GSDME: variants seen among roughly 807,000 people sequenced by gnomAD.
GSDME encodes gasdermin E.
GSDME carries 44 observed loss-of-function variants against 47.5 expected under a neutral mutation model. That is an observed-to-expected ratio of 0.93 (90% CI 0.73 to 1.19). GSDME has a LOEUF of 1.19. GSDME is among the 50% of genes most tolerant of loss of function. The pLI is 0.00. For synonymous variants in GSDME, 258 were observed against 252.8 expected (o/e 1.02, Z -0.20); for missense variants, 663 against 604.2 (o/e 1.10, Z -1.02).
the GSDME span, among the ~76,000 whole-genome samples, chr7:24,791,738 C>A: frequency 6.6e-6 from 1 of 152,102 alleles, no homozygotes; most frequent in Non-Finnish European, 1.5e-5. The surrounding 1 kb of genome is among the most constrained non-coding windows in gnomAD (Gnocchi z 4.8). Context: ...GCAGAGTGTC[C>A]AGTAAAGGTC....
Position 24,749,622 on chromosome 7 carries a change from G to A in GSDME, c.153C>T (p.Tyr51=). 3.1e-6 allele frequency: 5 copies of A among 1,614,048 alleles called. No homozygotes were observed. Among genetic ancestry groups the A allele is most frequent in the Non-Finnish European group, 3.4e-6 (4 of 1,180,024 alleles). ...KRFWCWQRPK[Y]QFLSLTLGDV... is the part of the protein sequence containing the mutation. ...CGCCAAGGGTGAGGGATAAAAACTG[G>A]TACTTGGGTCTCTGCCAGCACCAGA... Residue 51 remains tyrosine, a synonymous_variant, in exon 2 of 10, where the codon TAC becomes TAT. Transcript: ENST00000645220.
At chr7:24,715,771 G>A (rs1584064888) in intron 5 of GSDME, among the ~76,000 whole-genome samples, 1 of 152,112 alleles carries the variant, frequency 6.6e-6, no homozygotes, top group African/African-American at 2.4e-5. Flanking sequence ...CACAACACCT[G>A]GTATTCTCAG....
chr7:24,775,734 G>C, the GSDME span, among the ~76,000 whole-genome samples: 1 of 151,944 alleles, frequency 6.6e-6, no homozygotes, highest in Non-Finnish European at 1.5e-5. Context: ...AATTAGCTGG[G>C]CGTGGTGGCG....
rs1790030804 is a variant in GSDME, at chr7:24,728,128, T to A, written c.405-8910A>T. Among the ~76,000 whole-genome samples, 1 of 152,204 alleles carries A rather than the reference T, an allele frequency of 6.6e-6. No homozygotes were observed. The highest frequency in any genetic ancestry group is 1.5e-5 in the Non-Finnish European group (1 of 68,040). On this transcript the variant is annotated intron_variant, in intron 3 of 9. Coordinates refer to ENST00000645220, the MANE Select transcript of GSDME (RefSeq NM_001127453.2). The surrounding 1 kb of genome is among the most constrained non-coding windows in gnomAD (Gnocchi z 7.2). Reference sequence around the variant, plus strand: ...TTTCTTATCAGGAATCGGGGGCAATTCTGGCCAATGAGACCTGAGGAAAAT... The same window carrying A: ...TTTCTTATCAGGAATCGGGGGCAATACTGGCCAATGAGACCTGAGGAAAAT...
At chr7:24,711,900 TA>T (rs1789371608) in intron 5 of GSDME, among the ~76,000 whole-genome samples, 1 of 151,260 alleles carries the variant, frequency 6.6e-6, no homozygotes, top group African/African-American at 2.4e-5. Flanking sequence ...AAGGTGTAGA[TA>T]AAAATGTAAG....
At chr7:24,740,869 A>C (rs1039719335) in intron 3 of GSDME, among the ~76,000 whole-genome samples, 1 of 152,202 alleles carries the variant, frequency 6.6e-6, no homozygotes, top group Non-Finnish European at 1.5e-5. Context: ...AATATGATGA[A>C]GAATAAAAGT....
At chr7:24,765,123 A>G in the GSDME span, among the ~76,000 whole-genome samples, 6 of 152,272 alleles carry the variant, frequency 3.9e-5, no homozygotes, top group African/African-American at 1.4e-4. Flanking sequence ...TTGCTCACCA[A>G]AAAGCCTGGC....
At chr7:24,780,654 T>C in the GSDME span, among the ~76,000 whole-genome samples, 1 of 152,230 alleles carries the variant, frequency 6.6e-6, no homozygotes, top group East Asian at 1.9e-4. This position sits in a 1 kb window ranked among gnomAD's most constrained non-coding sequence, Gnocchi z 4.1. Flanking sequence ...AACTCCTCCC[T>C]TTGTTAAGTT....
At position 24,705,002 on chromosome 7, in the gene GSDME, T is replaced by G. The variant is rs1465190443; in HGVS notation, c.1183+1182A>C. 6.6e-6 allele frequency: 1 copy of G among 152,264 alleles called. No homozygotes were observed. The highest frequency in any genetic ancestry group is 2.4e-5 in the African/African-American group (1 of 41,438). The allele number at this position is 152,264 out of a possible 1,614,324, so 9.4% of individuals were successfully genotyped here. A position where few individuals can be genotyped will look rare whatever the true frequency, so the allele number is the denominator to read the frequency against. On this transcript the variant is annotated intron_variant, in intron 8 of 9. Coordinates refer to ENST00000645220, the MANE Select transcript of GSDME (RefSeq NM_001127453.2). The surrounding 1 kb of genome is among the most constrained non-coding windows in gnomAD (Gnocchi z 4.1). ...CACACCCAGCCAGTTGCAGAGAATT[T>G]GATGCTGTGTCTAGGCTCAAGTAGA... is the stretch of plus-strand genomic sequence containing the variant.
In GSDME at chr7:24,721,772, A is replaced by G. The variant is rs756201808; in HGVS notation, c.405-2554T>C. On this transcript the variant is annotated intron_variant, in intron 3 of 9. Coordinates refer to ENST00000645220, the MANE Select transcript of GSDME (RefSeq NM_001127453.2). This position sits in a 1 kb window ranked among gnomAD's most constrained non-coding sequence, Gnocchi z 4.1. ...ATCACTCCCTTCTTAAAAGCCTTCA[A>G]TGGCTATATCCCATGTCCAGTGCGT... Among the ~76,000 whole-genome samples the G allele has an allele frequency of 7.2e-5, 11 of 152,136 alleles. No homozygotes were observed. Among genetic ancestry groups the G allele is most frequent in the Non-Finnish European group, 1.6e-4 (11 of 68,000 alleles).
chr7:24,767,359 A>C, the GSDME span, among the ~76,000 whole-genome samples: 17,006 of 152,200 alleles, frequency 0.11, 1,204 homozygotes, highest in East Asian at 0.2. This position sits in a 1 kb window ranked among gnomAD's most constrained non-coding sequence, Gnocchi z 5.3. Flanking sequence ...TATTTGTCTC[A>C]TATAAGGGTA....
chr7:24,717,333 G>A lies in GSDME; in HGVS notation c.618C>T (p.Asn206=), dbSNP rs142033677. The stretch of plus-strand genomic sequence containing the variant: ...TGGCAGCTGGGATCTCCAGCACCAC[G>A]TTGGAGTCCTTGGTGACATTCCCAT... ...TEDGNVTKDS[N]VVLEIPAATT... Residue 206 remains asparagine, a synonymous_variant, in exon 5 of 10, where the codon AAC becomes AAT. Transcript: ENST00000645220. The A allele has an allele frequency of 9.9e-6, 16 of 1,613,960 alleles. No homozygotes were observed. Among genetic ancestry groups the A allele is most frequent in the African/African-American group, 2.7e-5 (2 of 74,900 alleles).
Position 24,728,746 on chromosome 7 carries a change from G to A in GSDME, c.405-9528C>T, listed in dbSNP as rs1562703648. Among the ~76,000 whole-genome samples the A allele has an allele frequency of 6.6e-6, 1 of 152,130 alleles. No homozygotes were observed. Among genetic ancestry groups the A allele is most frequent in the South Asian group, 2.1e-4 (1 of 4,818 alleles). ...TACTAGCAGTCCCCATTTCAACCAC[G>A]TTTCATAACAGAAACTTCCCACACA... On this transcript the variant is annotated intron_variant, in intron 3 of 9. Coordinates refer to ENST00000645220, the MANE Select transcript of GSDME (RefSeq NM_001127453.2). This position sits in a 1 kb window ranked among gnomAD's most constrained non-coding sequence, Gnocchi z 7.2.
At chr7:24,740,586 C>A (rs1351326372) in intron 3 of GSDME, among the ~76,000 whole-genome samples, 1 of 151,858 alleles carries the variant, frequency 6.6e-6, no homozygotes, top group Non-Finnish European at 1.5e-5. Context: ...CAAAACATCT[C>A]ATGAGATGTA....
the GSDME span, among the ~76,000 whole-genome samples, chr7:24,786,754 T>A: frequency 1.3e-5 from 2 of 152,244 alleles, no homozygotes; most frequent in East Asian, 3.8e-4. The surrounding 1 kb of genome is among the most constrained non-coding windows in gnomAD (Gnocchi z 5.5). Flanking sequence ...TGCACAGCAA[T>A]GTGAATGTGT....
rs746446857 is a variant in GSDME at position 24,717,278 on chromosome 7, A to G, written c.673T>C (p.Tyr225His). The change falls in exon 5 of 10, where the codon TAC becomes CAC. Residue 225 changes from tyrosine (Y) to histidine (H), a missense_variant. Tyr to His is a moderately conservative substitution (Grantham distance 83). Transcript: ENST00000645220. ...TTIAYGVIEL[Y>H]VKLDGQFEFC... ...CCGAACTGGCCGTCCAGTTTCACGT[A>G]TAACTCAATGACACCGTAGGCAATG... is the stretch of plus-strand genomic sequence containing the variant. 1.1e-5 allele frequency: 18 copies of G among 1,613,112 alleles called. No homozygotes were observed. In the African/African-American group the frequency reaches 1.7e-4, roughly 16 times the overall value.
chr7:24,710,074 G>T, intron 6 of GSDME, 150 bp downstream of exon 6: 1 of 864,464 alleles, frequency 1.2e-6, no homozygotes, highest in African/African-American at 1.6e-5. Flanking sequence ...GTCCTGCCGA[G>T]TGGACTGGGC....
upstream of GSDME, among the ~76,000 whole-genome samples, chr7:24,759,467 T>C (rs943605034): frequency 6.6e-6 from 1 of 152,306 alleles, no homozygotes; most frequent in Non-Finnish European, 1.5e-5. Context: ...GCTGCTATTA[T>C]TTATGTAGCA....
At position 24,728,496 on chromosome 7, in the gene GSDME, G is replaced by A. The variant is rs1584083227; in HGVS notation, c.405-9278C>T. Among the ~76,000 whole-genome samples, 1 of 152,214 alleles carries A rather than the reference G, an allele frequency of 6.6e-6. No homozygotes were observed. Among genetic ancestry groups the A allele is most frequent in the African/African-American group, 2.4e-5 (1 of 41,446 alleles). ...GAAGCACGAAGAACTCAGAAGCCAA[G>A]GGGCTGGGTGAGAATGCAGCTCAGC... On this transcript the variant is annotated intron_variant, in intron 3 of 9. Transcript: ENST00000645220. The surrounding 1 kb of genome is among the most constrained non-coding windows in gnomAD (Gnocchi z 7.2).
Sources: allele counts gnomAD v4.1 joint callset (sites outside exome capture counted in the v4.1 genomes callset), GRCh38; gene constraint gnomAD v4.1.1; non-coding constraint Gnocchi (gnomAD v3.1); transcripts MANE v1.5; gene names NCBI Gene and HGNC (gene_info 2026-07-23, HGNC 2026-07-21).